Variants in MAN1A2 observed in about 807,000 individuals in gnomAD.
MAN1A2 encodes the protein mannosyl-oligosaccharide 1,2-alpha-mannosidase IB.
MAN1A2 carries 26 observed loss-of-function variants against 75.7 expected under a neutral mutation model. The observed-to-expected ratio is 0.34, with a 90% CI of 0.25 to 0.48. The LOEUF (loss-of-function observed/expected upper bound fraction) is 0.48. MAN1A2 is among the 20% of genes least tolerant of loss of function. The pLI is 0.99. For missense variants in MAN1A2, 562 were observed against 775.5 expected (o/e 0.72, Z 3.27); for synonymous variants, 247 against 264.6 (o/e 0.93, Z 0.65).
At chr1:117,374,960 A>G (rs1009310072) in intron 1 of MAN1A2, among the ~76,000 whole-genome samples, 2 of 152,210 alleles carry the variant, frequency 1.3e-5, no homozygotes, top group Non-Finnish European at 2.9e-5. Flanking sequence ...TATTTACATA[A>G]TGAAATCTAT....
chr1:117,506,194 AG>A (rs1651359800), intron 12 of MAN1A2, among the ~76,000 whole-genome samples: 1 of 151,538 alleles, frequency 6.6e-6, no homozygotes, highest in Admixed American at 6.6e-5. Flanking sequence ...AGAAGCTGTC[AG>A]TTTAAGATTA....
chr1:117,400,472 T>TA (rs145760107), intron 1 of MAN1A2, among the ~76,000 whole-genome samples: 21,114 of 147,498 alleles, frequency 0.14, 1,653 homozygotes, highest in South Asian at 0.21. Flanking sequence ...ATTCTATCAT[T>TA]AAAAAAAAAA....
intron 5 of MAN1A2, among the ~76,000 whole-genome samples, chr1:117,439,873 A>G (rs1340041321): frequency 6.6e-6 from 1 of 152,202 alleles, no homozygotes; most frequent in Non-Finnish European, 1.5e-5. Context: ...TTGCTGGTAG[A>G]AGTATAAATT....
intron 12 of MAN1A2, among the ~76,000 whole-genome samples, chr1:117,516,366 A>G (rs545240673): frequency 1.3e-5 from 2 of 152,298 alleles, no homozygotes; most frequent in African/African-American, 2.4e-5. Context: ...ATGAAGACAG[A>G]AAGGAACTAG....
intron 7 of MAN1A2, among the ~76,000 whole-genome samples, chr1:117,465,930 C>G (rs1649966002): frequency 6.6e-6 from 1 of 152,080 alleles, no homozygotes; most frequent in Non-Finnish European, 1.5e-5. Context: ...TTTCAAAATA[C>G]AATGGCATTT....
intron 8 of MAN1A2, among the ~76,000 whole-genome samples, chr1:117,481,931 T>G (rs1650510503): frequency 6.6e-6 from 1 of 151,906 alleles, no homozygotes; most frequent in East Asian, 1.9e-4. Flanking sequence ...TCTAACCCTT[T>G]CCATTTTGCC....
intron 3 of MAN1A2, among the ~76,000 whole-genome samples, chr1:117,412,813 C>G (rs1647867441): frequency 1.3e-5 from 2 of 151,730 alleles, no homozygotes; most frequent in African/African-American, 2.4e-5. Flanking sequence ...TTCCTTGAAG[C>G]CTTTAGCTCA....
At position 117,525,614 on chromosome 1, in the gene MAN1A2, T is replaced by A. The variant is rs752967857; in HGVS notation, c.*2657T>A. The A allele has an allele frequency of 6.5e-6, 1 of 153,670 alleles. No homozygotes were observed. The highest frequency in any genetic ancestry group is 1.5e-5 in the Non-Finnish European group (1 of 68,944). The allele number at this position is 153,670 out of a possible 1,614,324, so 9.5% of individuals were successfully genotyped here. A position where few individuals can be genotyped will look rare whatever the true frequency, so the allele number is the denominator to read the frequency against. On this transcript the variant is annotated 3_prime_UTR_variant, in exon 13 of 13. Transcript: ENST00000356554. The stretch of plus-strand genomic sequence containing the variant: ...CCTTACCTTGTGCCTTTGGCACAAA[T>A]GTGCAGAATAGATACATCAGTTGGT...
intron 12 of MAN1A2, among the ~76,000 whole-genome samples, chr1:117,504,444 C>CT (rs56712136): frequency 1.5e-4 from 23 of 148,644 alleles, no homozygotes; most frequent in African/African-American, 4.9e-4. Flanking sequence ...CATAGTTTTA[C>CT]TTTTTTTTTA....
chr1:117,377,571 G>T (rs2101721474), intron 1 of MAN1A2, among the ~76,000 whole-genome samples: 1 of 152,296 alleles, frequency 6.6e-6, no homozygotes, highest in Non-Finnish European at 1.5e-5. Context: ...GTTCAAGAAT[G>T]TCCCCTGAAG....
At position 117,526,880 on chromosome 1, in the gene MAN1A2, C is replaced by CTCTCTCTCTATATATATATATA; in HGVS notation, c.*3924_*3925insCTCTCTCTATATATATATATAT. The CTCTCTCTCTATATATATATATA allele has an allele frequency of 2.6e-4, 14 of 54,506 alleles. No individual in the cohort carries two copies. The highest frequency in any genetic ancestry group is 6.4e-4 in the South Asian group (1 of 1,566). The allele number at this position is 54,506 out of a possible 1,614,324, so 3.4% of individuals were successfully genotyped here. A position where few individuals can be genotyped will look rare whatever the true frequency, so the allele number is the denominator to read the frequency against. On this transcript the variant is annotated 3_prime_UTR_variant, in exon 13 of 13. Transcript: ENST00000356554. ...TCTCTCTCTCTCTCTCTCTCTCTCT[C>CTCTCTCTCTATATATATATATA]TATATATATATATATATATATATAT... is the stretch of plus-strand genomic sequence containing the variant.
At chr1:117,514,751 T>C in intron 12 of MAN1A2, 3 of 504,730 alleles carry the variant, frequency 5.9e-6, no homozygotes, top group South Asian at 4.5e-5. Context: ...TGGGTGAGGA[T>C]TCTCAGATGA....
chr1:117,476,710 G>T (rs555223085), intron 8 of MAN1A2, among the ~76,000 whole-genome samples: 1 of 152,048 alleles, frequency 6.6e-6, no homozygotes, highest in South Asian at 2.1e-4. Context: ...GTGTTTCATT[G>T]GTCTATATTT....
At chr1:117,393,506 C>T (rs1475824695) in intron 1 of MAN1A2, among the ~76,000 whole-genome samples, 1 of 150,850 alleles carries the variant, frequency 6.6e-6, no homozygotes, top group Non-Finnish European at 1.5e-5. Context: ...GTGTGTTTTC[C>T]TGGATTCTCT....
At chr1:117,441,060 T>G (rs915720215) in intron 5 of MAN1A2, among the ~76,000 whole-genome samples, 1 of 152,180 alleles carries the variant, frequency 6.6e-6, no homozygotes, top group Non-Finnish European at 1.5e-5. Flanking sequence ...AATGGTAAAT[T>G]GTAGATGTGT....
intron 1 of MAN1A2, among the ~76,000 whole-genome samples, chr1:117,392,737 C>T (rs1014678584): frequency 6.6e-6 from 1 of 152,170 alleles, no homozygotes; most frequent in Non-Finnish European, 1.5e-5. Flanking sequence ...TCTACAGAAA[C>T]AAAATCTTTT....
intron 8 of MAN1A2, among the ~76,000 whole-genome samples, chr1:117,484,117 G>A (rs979203472): frequency 9.2e-5 from 14 of 151,764 alleles, no homozygotes; most frequent in Non-Finnish European, 1.3e-4. Flanking sequence ...ATAGCCTACC[G>A]TTGACCCAGA....
chr1:117,482,406 C>T (rs1318314421), intron 8 of MAN1A2, among the ~76,000 whole-genome samples: 1 of 152,018 alleles, frequency 6.6e-6, no homozygotes, highest in Non-Finnish European at 1.5e-5. Context: ...TAATGATTGC[C>T]ATTCTAACTT....
Position 117,428,091 on chromosome 1 carries a change from ATCTC to A in MAN1A2, c.855+7460_855+7463del, listed in dbSNP as rs35953056. On this transcript the variant is annotated intron_variant, in intron 5 of 12. Transcript: ENST00000356554. ...TTAACCACCAATAAATAAACTGTAA[ATCTC>A]TCTCTCTCTCTCTCTCTATTTTTTT... Among the ~76,000 whole-genome samples the A allele has an allele frequency of 9.2e-3, 1,356 of 146,826 alleles. 26 individuals carry two copies. The highest frequency in any genetic ancestry group is 0.031 in the African/African-American group (1,221 of 39,618).
Sources: allele counts gnomAD v4.1 joint callset (sites outside exome capture counted in the v4.1 genomes callset), GRCh38; gene constraint gnomAD v4.1.1; transcripts MANE v1.5; gene names NCBI Gene and HGNC (gene_info 2026-07-23, HGNC 2026-07-21).